The following DERA variants were observed in gnomAD, a reference collection of about 807,000 sequenced individuals.
The protein encoded by DERA is 2-deoxy-D-ribose 5-phosphate aldolase.
Under a neutral mutation model 41.1 loss-of-function variants are expected in DERA, and 15 were observed. The observed-to-expected ratio is 0.37, with a 90% CI of 0.24 to 0.56. The LOEUF is 0.56. Among genes scored for constraint, DERA ranks in the 20% least tolerant of loss-of-function variants. The pLI is 0.81. For missense variants in DERA, 396 were observed against 403.4 expected, an observed-to-expected ratio of 0.98 and a Z score of 0.16; for synonymous variants, 139 against 137.4, an observed-to-expected ratio of 1.01 and a Z score of -0.08.
Position 15,987,967 on chromosome 12 carries a change from G to T in DERA, c.637+5531G>T, listed in dbSNP as rs1371546941. On this transcript the variant is annotated intron_variant, in intron 6 of 8. Coordinates refer to ENST00000428559, the MANE Select transcript of DERA (RefSeq NM_015954.4). ...TGCACAGCCAGGCACATCAGCTGCG[G>T]CAGGGTGGGCAGCTCCAGGTGCAGA... Among the ~76,000 whole-genome samples, 3 of 152,160 alleles carry T rather than the reference G, an allele frequency of 2.0e-5. 1 individual carries two copies. Among genetic ancestry groups the T allele is most frequent in the Middle Eastern group, 6.3e-3 (2 of 316 alleles).
At chr12:15,939,444 G>T (rs1367309758) in intron 1 of DERA, among the ~76,000 whole-genome samples, 1 of 152,118 alleles carries the variant, frequency 6.6e-6, no homozygotes, top group African/African-American at 2.4e-5. Context: ...ATTCCAAAGT[G>T]CAACTTTAGA....
At chr12:15,914,523 T>G (rs976858684) in intron 1 of DERA, among the ~76,000 whole-genome samples, 2 of 152,306 alleles carry the variant, frequency 1.3e-5, no homozygotes, top group Middle Eastern at 3.4e-3. Flanking sequence ...CTGTGAAGCT[T>G]GGCACCTTCT....
chr12:15,961,387 A>T (rs775495169), intron 4 of DERA, among the ~76,000 whole-genome samples: 3 of 152,142 alleles, frequency 2.0e-5, no homozygotes, highest in Non-Finnish European at 4.4e-5. Flanking sequence ...TTAAAAAGGG[A>T]GTCTAGGCCA....
At chr12:16,034,574 C>T (rs925128824) in intron 7 of DERA, among the ~76,000 whole-genome samples, 16 of 152,148 alleles carry the variant, frequency 1.1e-4, no homozygotes, top group Admixed American at 5.2e-4. Flanking sequence ...TGCAGCCTTT[C>T]GGGTTGCTTG....
intron 1 of DERA, among the ~76,000 whole-genome samples, chr12:15,946,631 T>G (rs531755302): frequency 1.1e-4 from 16 of 152,276 alleles, no homozygotes; most frequent in Non-Finnish European, 1.9e-4. Context: ...TCTTTATTAG[T>G]CTTGCTAGCA....
chr12:15,949,047 C>T (rs768074814), intron 1 of DERA, among the ~76,000 whole-genome samples: 11 of 152,158 alleles, frequency 7.2e-5, no homozygotes, highest in South Asian at 4.1e-4. Context: ...GCTGTCTGAT[C>T]GTTCCTCTGG....
Position 16,009,596 on chromosome 12 carries a change from T to C in DERA, c.638-22946T>C, listed in dbSNP as rs2136178331. On this transcript the variant is annotated intron_variant, in intron 6 of 8. Transcript: ENST00000428559. The surrounding 1 kb of genome is among the most constrained non-coding windows in gnomAD (Gnocchi z 5.3). ...TGCCTTTTTACTTTGTAGGTTATCA[T>C]TGTGAATCTCATTTTCCATTTTGGT... Among the ~76,000 whole-genome samples, 1 of 152,334 alleles carries C rather than the reference T, an allele frequency of 6.6e-6. No individual in the cohort carries two copies. The highest frequency in any genetic ancestry group is 2.1e-4 in the South Asian group (1 of 4,834).
chr12:15,979,728 A>G (rs1948720922), intron 5 of DERA, among the ~76,000 whole-genome samples: 2 of 152,246 alleles, frequency 1.3e-5, no homozygotes, highest in Non-Finnish European at 2.9e-5. Flanking sequence ...AAATCCAGTT[A>G]TGCTCTAAGT....
chr12:15,911,683 C>A lies in DERA; in HGVS notation c.31+269C>A. 1 of 676,702 alleles carries A rather than the reference C, an allele frequency of 1.5e-6. No individual in the cohort carries two copies. The highest frequency in any genetic ancestry group is 2.7e-6 in the Non-Finnish European group (1 of 369,038). 41.9% of individuals were successfully genotyped at this position (676,702 alleles called of 1,614,324 possible). ...ATTATTATCTTCCTGCCTTTTCGTT[C>A]ACTCTAGCTCGCTGGTTGGAAAACC... On this transcript the variant is annotated intron_variant, in intron 1 of 8. Coordinates refer to ENST00000428559, the MANE Select transcript of DERA (RefSeq NM_015954.4). The surrounding 1 kb of genome is among the most constrained non-coding windows in gnomAD (Gnocchi z 4.5).
Position 15,996,520 on chromosome 12 carries a change from C to T in DERA, c.637+14084C>T, listed in dbSNP as rs1409575527. Among the ~76,000 whole-genome samples the T allele has an allele frequency of 6.6e-6, 1 of 152,140 alleles. No individual in the cohort carries two copies. Among genetic ancestry groups the T allele is most frequent in the Non-Finnish European group, 1.5e-5 (1 of 68,010 alleles). On this transcript the variant is annotated intron_variant, in intron 6 of 8. Transcript: ENST00000428559. The surrounding 1 kb of genome is among the most constrained non-coding windows in gnomAD (Gnocchi z 4.7). ...ATGGCTGTCTTCCCTCTGTGTGTCT[C>T]TGTCTGTGTCTCTTCTCCTCTTCTT...
At chr12:15,961,025 C>T (rs1307974903) in intron 4 of DERA, among the ~76,000 whole-genome samples, 1 of 152,192 alleles carries the variant, frequency 6.6e-6, no homozygotes. Flanking sequence ...GGCCTGTATT[C>T]TGATGATAGG....
In DERA at chr12:15,931,100, A is replaced by G. The variant is rs191828748; in HGVS notation, c.31+19686A>G. ...TTTCTATTATGGAGATATAAATAAT[A>G]TTTAGGATATTTTCACAGGATTTAT... is the stretch of plus-strand genomic sequence containing the variant. On this transcript the variant is annotated intron_variant, in intron 1 of 8. Transcript: ENST00000428559. The surrounding 1 kb of genome is among the most constrained non-coding windows in gnomAD (Gnocchi z 4.6). 1.2e-3 allele frequency among the ~76,000 whole-genome samples: 183 copies of G among 152,320 alleles called. 2 individuals are homozygous for G. The highest frequency in any genetic ancestry group is 2.4e-3 in the Admixed American group (37 of 15,308).
chr12:16,036,082 T>C lies in DERA; in HGVS notation c.751-150T>C. On this transcript the variant is annotated intron_variant, in intron 7 of 8. Transcript: ENST00000428559. This position sits in a 1 kb window ranked among gnomAD's most constrained non-coding sequence, Gnocchi z 4.9. ...TGTAGTGTGAATGAGCATGAGTCAC[T>C]GATCTAAGCCCTTTCACTGGATGAA... is the stretch of plus-strand genomic sequence containing the variant. 1.6e-6 allele frequency: 1 copy of C among 643,142 alleles called. No homozygotes were observed. The allele number at this position is 643,142 out of a possible 1,614,324, so 39.8% of individuals were successfully genotyped here. A position where few individuals can be genotyped will look rare whatever the true frequency, so the allele number is the denominator to read the frequency against.
At position 15,988,053 on chromosome 12, in the gene DERA, GC is replaced by G. The variant is rs1948777133; in HGVS notation, c.637+5618del. 6.6e-6 allele frequency among the ~76,000 whole-genome samples: 1 copy of G among 152,184 alleles called. No individual in the cohort carries two copies. Among genetic ancestry groups the G allele is most frequent in the South Asian group, 2.1e-4 (1 of 4,836 alleles). ...CAAGCAGCTTCTGCTGTGGGCACCAGCATCTGGACAAGGGGAACACATGGTG... is the reference window on the plus strand; with the variant it reads ...CAAGCAGCTTCTGCTGTGGGCACCAGATCTGGACAAGGGGAACACATGGTG... On this transcript the variant is annotated intron_variant, in intron 6 of 8. Transcript: ENST00000428559. The surrounding 1 kb of genome is among the most constrained non-coding windows in gnomAD (Gnocchi z 6.0).
intron 6 of DERA, among the ~76,000 whole-genome samples, chr12:16,006,013 G>A (rs1948908029): frequency 6.6e-6 from 1 of 152,080 alleles, no homozygotes; most frequent in African/African-American, 2.4e-5. Flanking sequence ...TCTGCTGTTC[G>A]GTCCTTACAC....
chr12:15,916,741 G>A (rs146955768), intron 1 of DERA, among the ~76,000 whole-genome samples: 33 of 152,172 alleles, frequency 2.2e-4, no homozygotes, highest in Non-Finnish European at 3.5e-4. Context: ...ATGAGCCGTC[G>A]CACCTGGCAC....
rs1948942330 is a variant in DERA at position 16,010,812 on chromosome 12, A to G, written c.638-21730A>G. Among the ~76,000 whole-genome samples, 1 of 152,126 alleles carries G rather than the reference A, an allele frequency of 6.6e-6. No homozygotes were observed. Among genetic ancestry groups the G allele is most frequent in the African/African-American group, 2.4e-5 (1 of 41,436 alleles). Reference sequence around the variant, plus strand: ...GGTACAGTGAAATAATCACTTGGAGATAAGACTCCCCACAGAAAAATTAAC... The same window carrying G: ...GGTACAGTGAAATAATCACTTGGAGGTAAGACTCCCCACAGAAAAATTAAC... On this transcript the variant is annotated intron_variant, in intron 6 of 8. Transcript: ENST00000428559. This position sits in a 1 kb window ranked among gnomAD's most constrained non-coding sequence, Gnocchi z 5.5.
rs1193021026 is a variant in DERA, at chr12:16,014,421, G to A, written c.638-18121G>A. 6.6e-6 allele frequency among the ~76,000 whole-genome samples: 1 copy of A among 152,232 alleles called. No homozygotes were observed. Among genetic ancestry groups the A allele is most frequent in the African/African-American group, 2.4e-5 (1 of 41,468 alleles). On this transcript the variant is annotated intron_variant, in intron 6 of 8. Transcript: ENST00000428559. The surrounding 1 kb of genome is among the most constrained non-coding windows in gnomAD (Gnocchi z 5.4). ...CCGGCCGTGGCTAAAAGAAGCCAAT[G>A]TACAGCTCAGGCCATTGCTTCAGAG...
rs185318223 is a variant in DERA at position 15,996,298 on chromosome 12, G to A, written c.637+13862G>A. Among the ~76,000 whole-genome samples, 434 of 152,034 alleles carry A rather than the reference G, an allele frequency of 2.9e-3. 1 individual carries two copies. Among genetic ancestry groups the A allele is most frequent in the Non-Finnish European group, 4.5e-3 (305 of 67,982 alleles). On this transcript the variant is annotated intron_variant, in intron 6 of 8. Coordinates refer to ENST00000428559, the MANE Select transcript of DERA (RefSeq NM_015954.4). The surrounding 1 kb of genome is among the most constrained non-coding windows in gnomAD (Gnocchi z 4.7). ...CTTGGGCTCGCTGTAACAGAGTACC[G>A]CAAATTAGATGGCCTTAAGCAACAG... is the stretch of plus-strand genomic sequence containing the variant.
Sources: gnomAD v4.1 joint callset for allele counts (sites outside exome capture counted in the v4.1 genomes callset) on GRCh38, gnomAD v4.1.1 for gene constraint, Gnocchi (gnomAD v3.1) non-coding constraint, MANE v1.5 for transcripts, NCBI Gene and HGNC (gene_info 2026-07-23, HGNC 2026-07-21) for gene names.